GABRR3: variants seen among roughly 807,000 people sequenced by gnomAD.
GABRR3 encodes the protein gamma-aminobutyric acid receptor subunit rho-3.
A neutral mutation model predicts 43.2 loss-of-function variants in GABRR3; 29 were observed. The observed-to-expected ratio is 0.67, with a 90% CI of 0.50 to 0.92. The LOEUF is 0.92. GABRR3 is among the 40% of genes least tolerant of loss of function. The pLI, the probability that GABRR3 is intolerant of heterozygous loss-of-function variation, is 0.00. For missense variants in GABRR3, 576 were observed against 572.3 expected, an observed-to-expected ratio of 1.01 and a Z score of -0.07; for synonymous variants, 206 against 195.9, an observed-to-expected ratio of 1.05 and a Z score of -0.43.
At chr3:98,002,357 C>T (rs1057161228) in intron 7 of GABRR3, among the ~76,000 whole-genome samples, 1 of 152,084 alleles carries the variant, frequency 6.6e-6, no homozygotes, top group African/African-American at 2.4e-5. Context: ...TCTTTGCTTC[C>T]TATTGAAATT....
chr3:98,001,507 C>T (rs1706641364), intron 8 of GABRR3, 108 bp downstream of exon 8: 6 of 1,150,376 alleles, frequency 5.2e-6, no homozygotes, highest in South Asian at 3.0e-5. Flanking sequence ...CTCTGACTAT[C>T]CCTACTAAAC....
intron 2 of GABRR3, among the ~76,000 whole-genome samples, chr3:98,031,388 G>T (rs1355399556): frequency 6.6e-6 from 1 of 152,132 alleles, no homozygotes; most frequent in Non-Finnish European, 1.5e-5. Flanking sequence ...GAAAAGCTTG[G>T]ATTTCTTGCT....
chr3:98,033,435 C>CG (rs1232531890), intron 2 of GABRR3, among the ~76,000 whole-genome samples: 1 of 152,102 alleles, frequency 6.6e-6, no homozygotes, highest in Non-Finnish European at 1.5e-5. Flanking sequence ...TACCTCACCA[C>CG]AAAGAACCAA....
chr3:97,990,187 T>C (rs1706444368), intron 9 of GABRR3, among the ~76,000 whole-genome samples: 1 of 152,124 alleles, frequency 6.6e-6, no homozygotes, highest in African/African-American at 2.4e-5. Context: ...ATTTGCAAAG[T>C]TTTTACGCCC....
At chr3:98,024,270 A>G (rs1195120796) in intron 3 of GABRR3, among the ~76,000 whole-genome samples, 1 of 151,578 alleles carries the variant, frequency 6.6e-6, no homozygotes, top group Non-Finnish European at 1.5e-5. Context: ...GAGGCTGGAG[A>G]ATCACTTGAA....
At chr3:98,011,457 G>T (rs1374748945) in intron 5 of GABRR3, among the ~76,000 whole-genome samples, 4 of 152,104 alleles carry the variant, frequency 2.6e-5, no homozygotes, top group Admixed American at 1.3e-4. Context: ...CTTGACTTAT[G>T]ACCACATTGC....
At chr3:97,994,518 A>G (rs1384845398) in intron 8 of GABRR3, among the ~76,000 whole-genome samples, 1 of 152,212 alleles carries the variant, frequency 6.6e-6, no homozygotes, top group Non-Finnish European at 1.5e-5. Context: ...ACTATCAACG[A>G]TCTGCATATC....
intron 9 of GABRR3, among the ~76,000 whole-genome samples, chr3:97,988,758 G>T (rs1269548376): frequency 6.6e-6 from 1 of 151,688 alleles, no homozygotes; most frequent in Non-Finnish European, 1.5e-5. Context: ...GGTGGTGATG[G>T]TAGATGGTGC....
At chr3:98,012,396 C>T (rs773953288) in exon 5 of GABRR3, 1 of 1,613,902 alleles carries the variant, frequency 6.2e-7, no homozygotes, top group South Asian at 1.1e-5. Flanking sequence ...ATGATATTCT[C>T]CATAGTTGTA....
intron 3 of GABRR3, among the ~76,000 whole-genome samples, chr3:98,025,138 C>A (rs1381554914): frequency 2.6e-5 from 4 of 152,082 alleles, no homozygotes; most frequent in East Asian, 1.9e-4. Context: ...AGTGATAAAC[C>A]GTTTTTAAAA....
chr3:98,005,250 A>G (rs966796791), intron 7 of GABRR3, among the ~76,000 whole-genome samples: 7 of 151,138 alleles, frequency 4.6e-5, no homozygotes, highest in African/African-American at 1.2e-4. Flanking sequence ...CACGATATGC[A>G]CAGATATGTA....
At chr3:98,003,611 A>C (rs1420385853) in intron 7 of GABRR3, among the ~76,000 whole-genome samples, 3 of 151,982 alleles carry the variant, frequency 2.0e-5, no homozygotes, top group African/African-American at 7.2e-5. Context: ...GTACAATAAA[A>C]AGTCTGATTC....
intron 9 of GABRR3, among the ~76,000 whole-genome samples, chr3:97,988,823 G>A (rs1472160078): frequency 6.6e-6 from 1 of 151,402 alleles, no homozygotes; most frequent in African/African-American, 2.4e-5. Flanking sequence ...GTGGCGGTAA[G>A]TGGTGGTGGT....
intron 3 of GABRR3, among the ~76,000 whole-genome samples, chr3:98,019,284 G>A (rs1439899707): frequency 6.6e-6 from 1 of 152,120 alleles, no homozygotes; most frequent in African/African-American, 2.4e-5. Flanking sequence ...TAATTCGACA[G>A]CCCTTTAAAT....
chr3:98,000,838 G>A (rs1706629529), intron 8 of GABRR3: 1 of 152,106 alleles, frequency 6.6e-6, no homozygotes, highest in South Asian at 2.1e-4. Context: ...TATCTCTTGG[G>A]TTCTCATTAA....
intron 8 of GABRR3, chr3:98,000,846 T>C (rs1415541999): frequency 6.6e-6 from 1 of 152,140 alleles, no homozygotes; most frequent in Admixed American, 6.6e-5. Flanking sequence ...GGGTTCTCAT[T>C]AAGTAACATG....
chr3:98,005,158 T>C (rs573484937), intron 7 of GABRR3, among the ~76,000 whole-genome samples: 134 of 151,618 alleles, frequency 8.8e-4, no homozygotes, highest in Middle Eastern at 3.4e-3. Flanking sequence ...AATACAAGTG[T>C]TTTTTGTACC....
chr3:98,011,378 A>G (rs145114571), intron 5 of GABRR3, among the ~76,000 whole-genome samples: 1 of 152,322 alleles, frequency 6.6e-6, no homozygotes, highest in African/African-American at 2.4e-5. Flanking sequence ...AGTGTCATAA[A>G]GGCCCTTCAC....
chr3:98,005,744 CG>C (rs1323926901), intron 7 of GABRR3, among the ~76,000 whole-genome samples: 2 of 151,964 alleles, frequency 1.3e-5, no homozygotes, highest in African/African-American at 4.8e-5. Flanking sequence ...GTTAGGAGGA[CG>C]GTTGGATATA....
Sources: gnomAD v4.1 joint callset for allele counts (sites outside exome capture counted in the v4.1 genomes callset) on GRCh38, gnomAD v4.1.1 for gene constraint, MANE v1.5 for transcripts, NCBI Gene and HGNC (gene_info 2026-07-23, HGNC 2026-07-21) for gene names.